Variants in KDM4C observed in about 807,000 individuals in gnomAD.
KDM4C encodes lysine demethylase 4C, also known as lysine-specific demethylase 4C.
Under a neutral mutation model 129.3 loss-of-function variants are expected in KDM4C, and 81 were observed. The observed-to-expected ratio is 0.63, with a 90% CI of 0.52 to 0.75. The LOEUF (loss-of-function observed/expected upper bound fraction) is 0.75. Ranked by LOEUF, KDM4C falls within the 30% of genes least tolerant of loss-of-function variation. The probability of loss-of-function intolerance (pLI) is 0.00; values close to 1 mark genes in which losing one functional copy is unlikely to be tolerated. For synonymous variants in KDM4C, 573 were observed against 456.1 expected (o/e 1.26, Z -3.26); for missense variants, 1,457 against 1,304.0 (o/e 1.12, Z -1.81).
chr9:6,868,088 G>A (rs1842325497), intron 5 of KDM4C, among the ~76,000 whole-genome samples: 1 of 152,006 alleles, frequency 6.6e-6, no homozygotes. Context: ...TGGATGAAAT[G>A]TGTGGTGAGA....
intron 1 of KDM4C, among the ~76,000 whole-genome samples, chr9:6,787,938 C>A (rs1317540002): frequency 6.6e-6 from 1 of 152,166 alleles, no homozygotes; most frequent in African/African-American, 2.4e-5. Context: ...TGCCAAACTC[C>A]TTTTCTCCCC....
At chr9:6,964,792 A>AAAG (rs1554669510) in intron 8 of KDM4C, among the ~76,000 whole-genome samples, 1 of 150,528 alleles carries the variant, frequency 6.6e-6, no homozygotes, top group African/African-American at 2.4e-5. Flanking sequence ...AAAAAAAAAA[A>AAAG]AAAAAAAAAC....
chr9:7,101,192 C>T (rs1837044782), intron 17 of KDM4C, among the ~76,000 whole-genome samples: 1 of 152,130 alleles, frequency 6.6e-6, no homozygotes, highest in African/African-American at 2.4e-5. Flanking sequence ...TATTCTAGTG[C>T]CAGGTAGCAT....
intron 12 of KDM4C, 102 bp from the exon 13 acceptor site, chr9:7,011,596 T>G: frequency 9.1e-7 from 1 of 1,097,134 alleles, no homozygotes; most frequent in South Asian, 1.4e-5. Flanking sequence ...GTTTCCGGCC[T>G]TAATATCACA....
At chr9:7,008,814 G>T (rs1822158848) in intron 12 of KDM4C, among the ~76,000 whole-genome samples, 1 of 152,224 alleles carries the variant, frequency 6.6e-6, no homozygotes, top group Admixed American at 6.5e-5. Flanking sequence ...CAAGGCCGGA[G>T]GATTCCAGGA....
At chr9:7,003,455 G>T (rs1396441147) in intron 12 of KDM4C, among the ~76,000 whole-genome samples, 1 of 151,072 alleles carries the variant, frequency 6.6e-6, no homozygotes, top group East Asian at 1.9e-4. Context: ...TTGGTAATAG[G>T]AATTTTGAAG....
At chr9:6,959,474 G>T (rs1266296860) in intron 8 of KDM4C, among the ~76,000 whole-genome samples, 1 of 152,102 alleles carries the variant, frequency 6.6e-6, no homozygotes. Flanking sequence ...ACTCTGTCTT[G>T]CTTGTCGTTA....
At chr9:6,782,518 C>T (rs1824581181) in intron 1 of KDM4C, among the ~76,000 whole-genome samples, 2 of 152,114 alleles carry the variant, frequency 1.3e-5, no homozygotes, top group South Asian at 2.1e-4. Flanking sequence ...CATTAATGCA[C>T]TTAACAGATG....
chr9:6,745,504 G>A (rs1471028380), intron 1 of KDM4C, among the ~76,000 whole-genome samples: 3 of 150,214 alleles, frequency 2.0e-5, no homozygotes, highest in Non-Finnish European at 4.4e-5. Flanking sequence ...GGCTGAGGCT[G>A]GAGGATTGCT....
chr9:7,014,122 A>G (rs1463621029), intron 14 of KDM4C, 121 bp downstream of exon 14: 2 of 735,414 alleles, frequency 2.7e-6, no homozygotes, highest in African/African-American at 1.8e-5. Context: ...TAATGGTTAT[A>G]TCATTCTTTT....
rs1817287948 is a variant in KDM4C at position 6,900,872 on chromosome 9, A to G, written c.921+7640A>G. Among the ~76,000 whole-genome samples, 3 of 152,092 alleles carry G rather than the reference A, an allele frequency of 2.0e-5. No homozygotes were observed. The South Asian group carries it at 6.2e-4, about 31-fold the overall frequency. On this transcript the variant is annotated intron_variant, in intron 8 of 21. Transcript: ENST00000381309. ...TGTCTGGATAAAAGGACTTGTGTAT[A>G]GAGAATGAGGTCAAAGTTAAGGGCC...
At chr9:7,011,550 T>C in intron 12 of KDM4C, 148 bp from the exon 13 acceptor site, 1 of 680,852 alleles carries the variant, frequency 1.5e-6, no homozygotes. Flanking sequence ...TTATCCTGGC[T>C]CTCTCAGGAT....
chr9:6,981,376 C>G (rs2131814921), intron 9 of KDM4C, among the ~76,000 whole-genome samples: 2 of 152,204 alleles, frequency 1.3e-5, no homozygotes, highest in Middle Eastern at 6.8e-3. Context: ...CTTGTTAGAC[C>G]ACTTACATGA....
chr9:7,007,691 T>A (rs895164473), intron 12 of KDM4C, among the ~76,000 whole-genome samples: 4 of 152,218 alleles, frequency 2.6e-5, no homozygotes, highest in Non-Finnish European at 5.9e-5. Context: ...GGAAGCCTTA[T>A]GTTCTTATCT....
intron 4 of KDM4C, among the ~76,000 whole-genome samples, chr9:6,821,978 T>A (rs948617043): frequency 2.6e-5 from 4 of 152,166 alleles, no homozygotes; most frequent in Admixed American, 2.0e-4. Flanking sequence ...CTTGATTTCC[T>A]TAGGTTATAC....
intron 8 of KDM4C, among the ~76,000 whole-genome samples, chr9:6,926,173 A>C (rs1031850715): frequency 6.6e-6 from 1 of 151,960 alleles, no homozygotes; most frequent in Non-Finnish European, 1.5e-5. Flanking sequence ...TTTGGCGTCA[A>C]GGGGCTGTTA....
chr9:6,998,785 G>A (rs1417963160), intron 12 of KDM4C, among the ~76,000 whole-genome samples: 1 of 145,176 alleles, frequency 6.9e-6, no homozygotes, highest in African/African-American at 2.5e-5. Flanking sequence ...AACACAGCAG[G>A]ACTCTGGTTC....
At chr9:6,989,121 ATTG>A (rs1453024191) in intron 11 of KDM4C, among the ~76,000 whole-genome samples, 1 of 152,050 alleles carries the variant, frequency 6.6e-6, no homozygotes, top group East Asian at 1.9e-4. Flanking sequence ...AATTTCCCAT[ATTG>A]TTTTTTAGCT....
At chr9:6,958,506 C>G (rs10975937) in intron 8 of KDM4C, among the ~76,000 whole-genome samples, 112,310 of 151,412 alleles carry the variant, frequency 0.74, 42,102 homozygotes, top group East Asian at 1. Context: ...ATAATTGCTC[C>G]AACCAGGGAG....
Sources: allele counts gnomAD v4.1 joint callset (sites outside exome capture counted in the v4.1 genomes callset), GRCh38; gene constraint gnomAD v4.1.1; transcripts MANE v1.5; gene names NCBI Gene and HGNC (gene_info 2026-07-23, HGNC 2026-07-21).